The following DGKB variants were observed in gnomAD, a reference collection of about 807,000 sequenced individuals.
DGKB encodes 90 kDa diacylglycerol kinase.
In DGKB, 67 loss-of-function variants were observed where a neutral mutation model predicts 114.3. That is an observed-to-expected ratio of 0.59 (90% CI 0.48 to 0.72). DGKB has a LOEUF of 0.72. Among genes scored for constraint, DGKB ranks in the 30% least tolerant of loss-of-function variants. DGKB has a pLI of 0.00. For synonymous variants in DGKB, 398 were observed against 323.1 expected (o/e 1.23, Z -2.49); for missense variants, 907 against 975.2 (o/e 0.93, Z 0.93).
chr7:14,173,977 A>C (rs1185274928), intron 25 of DGKB, among the ~76,000 whole-genome samples: 1 of 152,258 alleles, frequency 6.6e-6, no homozygotes, highest in African/African-American at 2.4e-5. Flanking sequence ...TTACTTATTG[A>C]AATAAAAATT....
At chr7:14,942,862 A>G (rs1785645502) in intron 1 of DGKB, among the ~76,000 whole-genome samples, 1 of 151,940 alleles carries the variant, frequency 6.6e-6, no homozygotes, top group Admixed American at 6.6e-5. Flanking sequence ...TCATATCATG[A>G]ATTATTTTAT....
intron 23 of DGKB, among the ~76,000 whole-genome samples, chr7:14,229,139 AT>A (rs1315200583): frequency 1.7e-4 from 26 of 152,120 alleles, no homozygotes; most frequent in African/African-American, 5.3e-4. Flanking sequence ...AGATCTGATT[AT>A]TTCTTTGTTA....
At chr7:14,419,180 T>C (rs1826277705) in intron 21 of DGKB, among the ~76,000 whole-genome samples, 1 of 151,892 alleles carries the variant, frequency 6.6e-6, no homozygotes, top group Admixed American at 6.6e-5. Flanking sequence ...TAATTACGTA[T>C]GAAGAAAATA....
intron 20 of DGKB, among the ~76,000 whole-genome samples, chr7:14,564,656 T>G (rs1181307328): frequency 1.3e-5 from 2 of 152,206 alleles, no homozygotes; most frequent in Non-Finnish European, 2.9e-5. Context: ...ATATAGTCTT[T>G]ATAGATGCAT....
chr7:14,298,216 A>G (rs1259001169), intron 23 of DGKB, among the ~76,000 whole-genome samples: 1 of 152,182 alleles, frequency 6.6e-6, no homozygotes, highest in Non-Finnish European at 1.5e-5. Flanking sequence ...TTCAAATTTC[A>G]TATAGAACCA....
intron 25 of DGKB, among the ~76,000 whole-genome samples, chr7:14,149,451 G>C (rs1781862102): frequency 6.6e-6 from 1 of 152,120 alleles, no homozygotes; most frequent in Non-Finnish European, 1.5e-5. Flanking sequence ...CAGTGCTCAG[G>C]ATAATAATTT....
At chr7:14,840,680 C>T (rs1847802308) in intron 2 of DGKB, among the ~76,000 whole-genome samples, 1 of 148,956 alleles carries the variant, frequency 6.7e-6, no homozygotes, top group African/African-American at 2.5e-5. Flanking sequence ...CTATGACTCC[C>T]TGCTTCCTAC....
At chr7:14,842,406 G>A (rs946530535) in intron 1 of DGKB, among the ~76,000 whole-genome samples, 4 of 152,038 alleles carry the variant, frequency 2.6e-5, no homozygotes, top group African/African-American at 9.7e-5. Flanking sequence ...GTGGGGTCAC[G>A]TCCCTGTACT....
chr7:14,567,516 TTTATATATTATAATTATATATAA>T (rs1797746835), intron 20 of DGKB, among the ~76,000 whole-genome samples: 1 of 82,116 alleles, frequency 1.2e-5, no homozygotes, highest in Non-Finnish European at 2.3e-5. Context: ...TAATTATATA[TTTATATATTATAATTATATATAA>T]TTATATATAA....
intron 21 of DGKB, among the ~76,000 whole-genome samples, chr7:14,386,600 A>T (rs1337767666): frequency 6.6e-6 from 1 of 152,224 alleles, no homozygotes. Context: ...GCAAGAGATA[A>T]GTGAGTAAGA....
chr7:14,459,067 A>T (rs1005401729), intron 21 of DGKB, among the ~76,000 whole-genome samples: 6 of 152,212 alleles, frequency 3.9e-5, no homozygotes, highest in African/African-American at 1.4e-4. Flanking sequence ...TTACCCTCAC[A>T]GTGTAAACAA....
intron 2 of DGKB, among the ~76,000 whole-genome samples, chr7:14,772,416 A>G (rs557895905): frequency 2.6e-5 from 4 of 152,290 alleles, no homozygotes; most frequent in Middle Eastern, 3.4e-3. Flanking sequence ...AGAGAACTAC[A>G]CAAAACAGAT....
chr7:14,316,144 G>T (rs1806466408), intron 23 of DGKB, among the ~76,000 whole-genome samples: 2 of 151,592 alleles, frequency 1.3e-5, no homozygotes, highest in East Asian at 3.9e-4. Context: ...GTGTGTAGAG[G>T]GAAATTTATA....
intron 2 of DGKB, among the ~76,000 whole-genome samples, chr7:14,782,311 C>T (rs1347809289): frequency 7.9e-5 from 12 of 152,120 alleles, no homozygotes; most frequent in Non-Finnish European, 1.8e-4. Context: ...CAGGTGTGAG[C>T]CACTGTGCCC....
intron 14 of DGKB, among the ~76,000 whole-genome samples, chr7:14,627,994 T>C (rs1205595514): frequency 6.6e-6 from 1 of 151,372 alleles, no homozygotes; most frequent in Non-Finnish European, 1.5e-5. Flanking sequence ...GTAACCAACC[T>C]CAACATTCCT....
chr7:14,930,975 G>T (rs1784987498), intron 1 of DGKB, among the ~76,000 whole-genome samples: 1 of 152,062 alleles, frequency 6.6e-6, no homozygotes, highest in Admixed American at 6.6e-5. Context: ...ATATGATTCT[G>T]TCCTTAATTC....
chr7:14,245,016 A>C (rs1794262419), intron 23 of DGKB, among the ~76,000 whole-genome samples: 1 of 152,186 alleles, frequency 6.6e-6, no homozygotes, highest in Non-Finnish European at 1.5e-5. Flanking sequence ...TGTTCTTCAT[A>C]TCACATATGC....
chr7:14,854,347 T>C (rs1247517580), intron 1 of DGKB, among the ~76,000 whole-genome samples: 1 of 152,176 alleles, frequency 6.6e-6, no homozygotes, highest in Non-Finnish European at 1.5e-5. Context: ...AGACACTTAA[T>C]ACCTGCCACA....
chr7:14,776,161 G>C (rs1001823558), intron 2 of DGKB, among the ~76,000 whole-genome samples: 1 of 152,116 alleles, frequency 6.6e-6, no homozygotes, highest in African/African-American at 2.4e-5. Context: ...ATTTGAACTT[G>C]AGAGAAATGA....
Sources: gnomAD v4.1 joint callset for allele counts (sites outside exome capture counted in the v4.1 genomes callset) on GRCh38, gnomAD v4.1.1 for gene constraint, MANE v1.5 for transcripts, NCBI Gene and HGNC (gene_info 2026-07-23, HGNC 2026-07-21) for gene names.